The following SUCLG2 variants were observed in gnomAD, a reference collection of about 807,000 sequenced individuals.
SUCLG2 encodes succinate-CoA ligase GDP-forming subunit beta, also known as succinate--CoA ligase [GDP-forming] subunit beta, mitochondrial.
SUCLG2 carries 42 observed loss-of-function variants against 47.9 expected under a neutral mutation model. That is an observed-to-expected ratio of 0.88 (90% confidence interval 0.69 to 1.14). The LOEUF is 1.14. SUCLG2 is among the 50% of genes most tolerant of loss of function. The pLI is 0.00. For synonymous variants in SUCLG2, 195 were observed against 197.3 expected, an observed-to-expected ratio of 0.99 and a Z score of 0.10; for missense variants, 571 against 525.9, an observed-to-expected ratio of 1.09 and a Z score of -0.84.
At chr3:67,439,430 G>A (rs1162766668) in intron 9 of SUCLG2, among the ~76,000 whole-genome samples, 1 of 152,206 alleles carries the variant, frequency 6.6e-6, no homozygotes, top group Admixed American at 6.5e-5. Context: ...AATAGGAAAA[G>A]AGGAAGTCAA....
At chr3:67,564,068 A>G (rs184069950) in intron 2 of SUCLG2, among the ~76,000 whole-genome samples, 1 of 152,278 alleles carries the variant, frequency 6.6e-6, no homozygotes, top group Admixed American at 6.5e-5. Context: ...AGGGAGAGGG[A>G]TAAAAAGAGA....
At chr3:67,457,601 G>C (rs1025476434) in intron 9 of SUCLG2, among the ~76,000 whole-genome samples, 3 of 142,700 alleles carry the variant, frequency 2.1e-5, no homozygotes, top group African/African-American at 7.8e-5. Context: ...AAGAGATACA[G>C]AAATAAAATT....
chr3:67,495,712 T>A, intron 9 of SUCLG2, 86 bp downstream of exon 9: 7 of 1,457,080 alleles, frequency 4.8e-6, no homozygotes, highest in Non-Finnish European at 6.7e-6. Context: ...TATTGACTTA[T>A]CAACTCTCAC....
chr3:67,388,940 T>A (rs1702316227), intron 10 of SUCLG2, among the ~76,000 whole-genome samples: 4 of 151,984 alleles, frequency 2.6e-5, no homozygotes, highest in Admixed American at 2.0e-4. Context: ...ATCAAGTAAG[T>A]CATCATCCAT....
At chr3:67,382,105 T>A (rs949684967) in intron 10 of SUCLG2, among the ~76,000 whole-genome samples, 4 of 152,160 alleles carry the variant, frequency 2.6e-5, no homozygotes, top group African/African-American at 7.2e-5. Context: ...TTCAGTTTTT[T>A]AAAAAAGAAT....
intron 10 of SUCLG2, chr3:67,376,080 G>A (rs943289297): frequency 8.1e-6 from 8 of 985,326 alleles, no homozygotes; most frequent in Middle Eastern, 5.2e-4. Flanking sequence ...GCTTGCAAGA[G>A]GGAAATGAAC....
chr3:67,440,062 T>C (rs1703720253), intron 9 of SUCLG2, among the ~76,000 whole-genome samples: 1 of 151,968 alleles, frequency 6.6e-6, no homozygotes, highest in African/African-American at 2.4e-5. Flanking sequence ...AACAAAGCCC[T>C]CAGAAATAAC....
In SUCLG2 at chr3:67,422,598, T is replaced by C. The variant is rs1703193273; in HGVS notation, c.1063-21747A>G. Among the ~76,000 whole-genome samples, 3 of 151,772 alleles carry C rather than the reference T, an allele frequency of 2.0e-5. 1 individual carries two copies. In the South Asian group the frequency reaches 6.3e-4, roughly 32 times the overall value. ...GAAATCTGTGACCAGAAAGTCATAG[T>C]CTTTGCCTTTGCTAATTTTATAATC... On this transcript the variant is annotated intron_variant, in intron 9 of 10. Transcript: ENST00000307227.
chr3:67,374,953 C>T lies in SUCLG2; in HGVS notation c.*791G>A. 6 of 985,672 alleles carry T rather than the reference C, an allele frequency of 6.1e-6. No individual in the cohort carries two copies. Among genetic ancestry groups the T allele is most frequent in the Non-Finnish European group, 7.2e-6 (6 of 829,896 alleles). 61.1% of individuals were successfully genotyped at this position (985,672 alleles called of 1,614,324 possible). A position where few individuals can be genotyped will look rare whatever the true frequency, so the allele number is the denominator to read the frequency against. Reference sequence around the variant, plus strand: ...GTGATACTAAACACAATTTGATCTTCAGTGTTGTCTCATCTTGAAATATCT... The same window carrying T: ...GTGATACTAAACACAATTTGATCTTTAGTGTTGTCTCATCTTGAAATATCT... On this transcript the variant is annotated 3_prime_UTR_variant, in exon 11 of 11. Coordinates refer to ENST00000307227, the MANE Select transcript of SUCLG2 (RefSeq NM_003848.4).
At chr3:67,600,464 A>G (rs1193741248) in intron 2 of SUCLG2, among the ~76,000 whole-genome samples, 1 of 152,132 alleles carries the variant, frequency 6.6e-6, no homozygotes, top group Non-Finnish European at 1.5e-5. Context: ...TTTTATAGTC[A>G]AGTAAATTGT....
chr3:67,518,806 G>T (rs2107123858), intron 5 of SUCLG2, among the ~76,000 whole-genome samples: 1 of 152,194 alleles, frequency 6.6e-6, no homozygotes, highest in Non-Finnish European at 1.5e-5. Flanking sequence ...TTGTCTCAAA[G>T]ACACCGAGCA....
intron 1 of SUCLG2, among the ~76,000 whole-genome samples, chr3:67,627,407 A>G (rs1700852475): frequency 6.6e-6 from 1 of 152,222 alleles, no homozygotes; most frequent in South Asian, 2.1e-4. Flanking sequence ...GATATTTCAC[A>G]ATTATTTTCT....
At chr3:67,483,146 T>C (rs184778118) in intron 9 of SUCLG2, among the ~76,000 whole-genome samples, 73 of 152,156 alleles carry the variant, frequency 4.8e-4, no homozygotes, top group Non-Finnish European at 3.8e-4. Flanking sequence ...GAAATATCCA[T>C]TGATATTCAG....
intron 2 of SUCLG2, among the ~76,000 whole-genome samples, chr3:67,603,913 C>T (rs560542342): frequency 6.6e-6 from 1 of 152,192 alleles, no homozygotes; most frequent in South Asian, 2.1e-4. Context: ...TTAATTTAAT[C>T]CATAAGAGAA....
intron 9 of SUCLG2, among the ~76,000 whole-genome samples, chr3:67,424,507 G>A (rs75897889): frequency 7.2e-5 from 11 of 152,210 alleles, no homozygotes; most frequent in East Asian, 3.9e-4. Context: ...TTAGAAATAC[G>A]GAATATAGTG....
At chr3:67,507,181 C>A (rs1444746771) in intron 7 of SUCLG2, among the ~76,000 whole-genome samples, 1 of 151,984 alleles carries the variant, frequency 6.6e-6, no homozygotes, top group African/African-American at 2.4e-5. Context: ...AAAATACACA[C>A]AATTTGATAG....
chr3:67,530,365 C>A (rs941402827), intron 2 of SUCLG2, among the ~76,000 whole-genome samples: 1 of 152,128 alleles, frequency 6.6e-6, no homozygotes, highest in African/African-American at 2.4e-5. Context: ...ATTGCCTCGA[C>A]CAGTTAGTTC....
At chr3:67,426,854 G>A (rs1703314633) in intron 9 of SUCLG2, among the ~76,000 whole-genome samples, 1 of 152,122 alleles carries the variant, frequency 6.6e-6, no homozygotes, top group Non-Finnish European at 1.5e-5. Flanking sequence ...TTGAACCCTG[G>A]AAGCGGAGGT....
chr3:67,444,994 TTG>T (rs1491212523), intron 9 of SUCLG2, among the ~76,000 whole-genome samples: 1 of 35,200 alleles, frequency 2.8e-5, no homozygotes, highest in African/African-American at 1.1e-4. Flanking sequence ...GGGAGGGAGG[TTG>T]GGGGGTCAGC....
Sources: gnomAD v4.1 joint callset for allele counts (sites outside exome capture counted in the v4.1 genomes callset) on GRCh38, gnomAD v4.1.1 for gene constraint, MANE v1.5 for transcripts, NCBI Gene and HGNC (gene_info 2026-07-23, HGNC 2026-07-21) for gene names.